The following PIKFYVE variants were observed in gnomAD, a reference collection of about 807,000 sequenced individuals.
PIKFYVE encodes the protein 1-phosphatidylinositol 3-phosphate 5-kinase.
A neutral mutation model predicts 257.9 loss-of-function variants in PIKFYVE; 122 were observed. The ratio of observed to expected loss-of-function variants is 0.47; its 90% CI spans 0.41 to 0.55. PIKFYVE has a LOEUF of 0.55. PIKFYVE is among the 20% of genes least tolerant of loss of function. The probability of loss-of-function intolerance (pLI) is 0.00; values close to 1 mark genes in which losing one functional copy is unlikely to be tolerated. For synonymous variants in PIKFYVE, 892 were observed against 868.9 expected, an observed-to-expected ratio of 1.03 and a Z score of -0.47; for missense variants, 2,160 against 2,536.6, an observed-to-expected ratio of 0.85 and a Z score of 3.19.
Position 208,333,326 on chromosome 2 carries a change from T to G in PIKFYVE, c.3975T>G (p.Val1325=), listed in dbSNP as rs752070057. ...WCRICKQVTP[V]VALSNESWSM... ...TTGCTGAATTCCAGGTAACACCAGT[T>G]GTTGCTCTTTCCAATGAGTCCTGGT... The change falls in exon 24 of 42, where the codon GTT becomes GTG. Residue 1325 remains valine, a synonymous_variant. Transcript: ENST00000264380. The G allele has an allele frequency of 6.2e-7, 1 of 1,614,162 alleles. No individual in the cohort carries two copies. The highest frequency in any genetic ancestry group is 8.5e-7 in the Non-Finnish European group (1 of 1,180,002).
intron 7 of PIKFYVE, among the ~76,000 whole-genome samples, chr2:208,295,878 G>A (rs1279494395): frequency 6.6e-6 from 1 of 152,132 alleles, no homozygotes; most frequent in Non-Finnish European, 1.5e-5. Flanking sequence ...TTGTTGAAAT[G>A]CAATGTTATT....
chr2:208,329,708 A>G lies in PIKFYVE; in HGVS notation c.3720-134A>G, dbSNP rs1697297733. On this transcript the variant is annotated intron_variant, in intron 21 of 41. Transcript: ENST00000264380. ...TTTTATTAAAACCTGTTTCATAACA[A>G]CAAAGAACATTACCTCCTTTCATAC... is the stretch of plus-strand genomic sequence containing the variant. 2.1e-6 allele frequency: 3 copies of G among 1,440,718 alleles called. No homozygotes were observed. The East Asian group carries it at 7.6e-5, about 37-fold the overall frequency. 89.2% of individuals were successfully genotyped at this position (1,440,718 alleles called of 1,614,324 possible). A position where few individuals can be genotyped will look rare whatever the true frequency, so the allele number is the denominator to read the frequency against.
At position 208,276,592 on chromosome 2, in the gene PIKFYVE, C is replaced by T. The variant is rs77581894; in HGVS notation, c.323-120C>T. The T allele has an allele frequency of 1.2e-3, 972 of 785,954 alleles. 7 individuals are homozygous for T. Among genetic ancestry groups the T allele is most frequent in the Middle Eastern group, 5.6e-3 (24 of 4,312 alleles). The allele number at this position is 785,954 out of a possible 1,614,324, so 48.7% of individuals were successfully genotyped here. A position where few individuals can be genotyped will look rare whatever the true frequency, so the allele number is the denominator to read the frequency against. Reference sequence around the variant, plus strand: ...TGTTTTAACTCTCAATTCATATAACCGGGTGGGAGAACATAATTATATGCC... The same window carrying T: ...TGTTTTAACTCTCAATTCATATAACTGGGTGGGAGAACATAATTATATGCC... On this transcript the variant is annotated intron_variant, in intron 3 of 41. Transcript: ENST00000264380.
Position 208,277,632 on chromosome 2 carries a change from T to C in PIKFYVE, c.537T>C (p.His179=). ...EKFTTFRRRH[H]CRLCGQIFCS... ...TTACAACCTTTAGGCGCAGACACCA[T>C]TGCCGACTATGTGGGCAGATTTTCT... The change falls in exon 5 of 42, where the codon CAT becomes CAC. Residue 179 remains histidine, a synonymous_variant. Transcript: ENST00000264380. The C allele has an allele frequency of 6.2e-7, 1 of 1,613,952 alleles. No individual in the cohort carries two copies. Among genetic ancestry groups the C allele is most frequent in the Non-Finnish European group, 8.5e-7 (1 of 1,179,824 alleles).
chr2:208,319,693 G>T (rs1695978103), intron 16 of PIKFYVE, among the ~76,000 whole-genome samples: 1 of 152,112 alleles, frequency 6.6e-6, no homozygotes, highest in African/African-American at 2.4e-5. Flanking sequence ...CACGATTAGG[G>T]TATATTATTT....
At position 208,278,645 on chromosome 2, in the gene PIKFYVE, G is replaced by A. The variant is rs1690418519; in HGVS notation, c.613+937G>A. On this transcript the variant is annotated intron_variant, in intron 5 of 41. Transcript: ENST00000264380. ...CAGTGTTTAGCTCCCACTTGTAAGT[G>A]AGAGCTTGCGGCATTTGGTTTTCTG... 3.3e-5 allele frequency among the ~76,000 whole-genome samples: 5 copies of A among 152,098 alleles called. 1 individual carries two copies. The highest frequency in any genetic ancestry group is 3.3e-4 in the Admixed American group (5 of 15,260).
chr2:208,358,254 C>G lies in PIKFYVE; in HGVS notation c.*2949C>G, dbSNP rs1211835709. On this transcript the variant is annotated 3_prime_UTR_variant, in exon 42 of 42. Coordinates refer to ENST00000264380, the MANE Select transcript of PIKFYVE (RefSeq NM_015040.4). Reference sequence around the variant, plus strand: ...TAAAACTGCCAAGGAAAGTAATTACCTGTAGGAGTTTGCTGAGCTTGAAGA... The same window carrying G: ...TAAAACTGCCAAGGAAAGTAATTACGTGTAGGAGTTTGCTGAGCTTGAAGA... 1 of 152,584 alleles carries G rather than the reference C, an allele frequency of 6.6e-6. No individual in the cohort carries two copies. Among genetic ancestry groups the G allele is most frequent in the Non-Finnish European group, 1.5e-5 (1 of 68,034 alleles). The allele number at this position is 152,584 out of a possible 1,614,324, so 9.5% of individuals were successfully genotyped here. A position where few individuals can be genotyped will look rare whatever the true frequency, so the allele number is the denominator to read the frequency against.
intron 17 of PIKFYVE, among the ~76,000 whole-genome samples, chr2:208,320,692 T>C (rs1342310190): frequency 1.3e-5 from 2 of 152,208 alleles, no homozygotes; most frequent in African/African-American, 4.8e-5. Flanking sequence ...TACTAAAACA[T>C]ATTTCTAGAA....
At chr2:208,334,408 T>G (rs969993195) in intron 24 of PIKFYVE, 1 of 153,194 alleles carries the variant, frequency 6.5e-6, no homozygotes, top group Non-Finnish European at 1.5e-5. Context: ...CTGCACTGGC[T>G]GCCCAGGACC....
intron 7 of PIKFYVE, among the ~76,000 whole-genome samples, chr2:208,295,782 A>G: frequency 6.6e-6 from 1 of 152,212 alleles, no homozygotes; most frequent in East Asian, 1.9e-4. Flanking sequence ...GGTAAGTAAT[A>G]TGTGGGGGAG....
rs375443348 is a variant in PIKFYVE at position 208,273,729 on chromosome 2, A to G, written c.318A>G (p.Ala106=). Reference sequence around the variant, plus strand: ...AGGAACTCCAGCGGCGCTCTTCAGCATTAGGTAAAACAGTGTTCTTATTTC... The same window carrying G: ...AGGAACTCCAGCGGCGCTCTTCAGCGTTAGGTAAAACAGTGTTCTTATTTC... ...LNEELQRRSS[A]LDTRRKAEPT... The change falls in exon 3 of 42, where the codon GCA becomes GCG. Residue 106 remains alanine (A), a synonymous_variant. Transcript: ENST00000264380. The G allele has an allele frequency of 8.7e-6, 14 of 1,614,080 alleles. No homozygotes were observed. The African/African-American group carries it at 1.7e-4, about 20-fold the overall frequency.
chr2:208,339,666 A>G (rs893549716), intron 30 of PIKFYVE, 111 bp downstream of exon 30: 2 of 1,378,432 alleles, frequency 1.5e-6, no homozygotes, highest in African/African-American at 1.4e-5. Context: ...TTGCTTCATA[A>G]TAACAGATTC....
chr2:208,282,183 A>G (rs893990975), intron 5 of PIKFYVE, among the ~76,000 whole-genome samples: 2 of 152,184 alleles, frequency 1.3e-5, no homozygotes, highest in Non-Finnish European at 2.9e-5. Flanking sequence ...GATATTTTGC[A>G]TGTCTTTGTT....
chr2:208,302,708 G>T (rs1693843635), intron 10 of PIKFYVE: 2 of 288,908 alleles, frequency 6.9e-6, no homozygotes, highest in Non-Finnish European at 1.3e-5. Flanking sequence ...TATGCTTTTA[G>T]AACTGAGAGT....
intron 28 of PIKFYVE, among the ~76,000 whole-genome samples, 195 bp downstream of exon 28, chr2:208,337,123 CTTATAA>C (rs1187679840): frequency 5.3e-5 from 8 of 152,068 alleles, no homozygotes; most frequent in African/African-American, 1.9e-4. Context: ...AAAATGATCA[CTTATAA>C]TTTATTTATT....
Position 208,285,858 on chromosome 2 carries a change from G to A in PIKFYVE, c.746G>A (p.Ser249Asn), listed in dbSNP as rs556926841. 3 of 1,614,084 alleles carry A rather than the reference G, an allele frequency of 1.9e-6. No individual in the cohort carries two copies. The East Asian group carries it at 6.7e-5, about 36-fold the overall frequency. ...SACSVSVLDPSEPRTPVGSRK... is the reference protein window; with the variant it reads ...SACSVSVLDPNEPRTPVGSRK... ...TGCTCTGTGTCTGTGCTTGATCCAA[G>A]TGAACCCCGAACACCTGTTGGGAGT... Residue 249 changes from serine to asparagine, a missense_variant, in exon 6 of 42, where the codon AGT (serine) becomes AAT (asparagine). This residue lies in a region of PIKFYVE where 187 missense variants were observed against 185.6 expected (regional missense o/e 1.01). Transcript: ENST00000264380.
chr2:208,350,727 TTC>T (rs1699696139), intron 36 of PIKFYVE, 42 bp from the exon 37 acceptor site: 3 of 1,603,488 alleles, frequency 1.9e-6, no homozygotes, highest in East Asian at 4.5e-5. Flanking sequence ...GAAAGATATT[TTC>T]TGAGTCATAA....
At chr2:208,341,196 C>T (rs750799666) in intron 31 of PIKFYVE, among the ~76,000 whole-genome samples, 21 of 151,870 alleles carry the variant, frequency 1.4e-4, no homozygotes, top group Non-Finnish European at 2.9e-4. Flanking sequence ...TTAGTAGAGA[C>T]GAGGTTTCAC....
At chr2:208,286,076 C>T in intron 6 of PIKFYVE, 143 bp downstream of exon 6, 4 of 862,536 alleles carry the variant, frequency 4.6e-6, no homozygotes, top group South Asian at 1.6e-5. Flanking sequence ...TGGCTTGCCT[C>T]CAGAATGTTT....
Sources: allele counts gnomAD v4.1 joint callset (sites outside exome capture counted in the v4.1 genomes callset), GRCh38; gene constraint gnomAD v4.1.1; regional missense constraint gnomAD v4.1.1; transcripts MANE v1.5; gene names NCBI Gene and HGNC (gene_info 2026-07-23, HGNC 2026-07-21).